ZFP62: variants seen among roughly 807,000 people sequenced by gnomAD.
ZFP62 encodes the protein ZFP62 zinc finger protein, also known as zinc finger protein 62 homolog.
ZFP62 carries 44 observed loss-of-function variants against 56.4 expected under a neutral mutation model. The observed-to-expected ratio is 0.78, with a 90% CI of 0.61 to 1.00. ZFP62 has a LOEUF of 1.00. ZFP62 is among the 50% of genes least tolerant of loss of function. The probability of loss-of-function intolerance (pLI) is 0.00; values close to 1 mark genes in which losing one functional copy is unlikely to be tolerated. For synonymous variants in ZFP62, 421 were observed against 388.9 expected, an observed-to-expected ratio of 1.08 and a Z score of -0.97; for missense variants, 1,030 against 1,085.7, an observed-to-expected ratio of 0.95 and a Z score of 0.72.
the ZFP62 span, chr5:180,835,630 C>T: frequency 3.9e-5 from 6 of 152,078 alleles, no homozygotes; most frequent in East Asian, 3.9e-4. Context: ...TAAGTAAAAC[C>T]GAGCACATGC....
intron 1 of ZFP62, among the ~76,000 whole-genome samples, chr5:180,852,923 C>CA (rs1252852677): frequency 6.6e-6 from 1 of 152,182 alleles, no homozygotes; most frequent in Admixed American, 6.5e-5. Context: ...AGCAAATGTT[C>CA]AAAGCTTGAC....
At chr5:180,833,141 C>A in the ZFP62 span, among the ~76,000 whole-genome samples, 1 of 152,090 alleles carries the variant, frequency 6.6e-6, no homozygotes, top group African/African-American at 2.4e-5. Context: ...GGAGGTGGGG[C>A]CTTTGGGAGG....
chr5:180,857,975 G>A (rs1349813100), intron 1 of ZFP62, among the ~76,000 whole-genome samples: 4 of 151,782 alleles, frequency 2.6e-5, no homozygotes, highest in African/African-American at 7.2e-5. Context: ...ACTTTAGGCC[G>A]GGTACAGTGG....
intron 1 of ZFP62, chr5:180,852,003 AGGGAGAAG>A: frequency 2.0e-6 from 2 of 987,370 alleles, no homozygotes. Flanking sequence ...GAGGGGTATC[AGGGAGAAG>A]GCTATGAAAC....
At chr5:180,829,641 T>C in the ZFP62 span, among the ~76,000 whole-genome samples, 1 of 152,268 alleles carries the variant, frequency 6.6e-6, no homozygotes, top group Non-Finnish European at 1.5e-5. Flanking sequence ...AATTTTTATC[T>C]GAAAAATAAG....
rs905430611 is a variant in ZFP62, at chr5:180,851,140, C to G, written c.355G>C (p.Val119Leu). The G allele has an allele frequency of 6.4e-7, 1 of 1,551,752 alleles. No homozygotes were observed. Among genetic ancestry groups the G allele is most frequent in the African/African-American group, 1.4e-5 (1 of 73,168 alleles). ...TAGGAGGTTCCATTAATGTTCTCCA[C>G]ACGTTTGCCTTGCTCACTGCCTCTC... ...GQRGSEQGKRVENINGTSYPS... is the reference protein window; with the variant it reads ...GQRGSEQGKRLENINGTSYPS... The change falls in exon 2 of 2, where the codon GTG (valine) becomes CTG (leucine). Residue 119 changes from valine (V) to leucine (L), a missense_variant. By Grantham distance (32) the Val-to-Leu change is conservative. Coordinates refer to ENST00000502412, the MANE Select transcript of ZFP62 (RefSeq NM_001172638.2).
rs373641672 is a variant in ZFP62, at chr5:180,851,226, G to A, written c.269C>T (p.Ser90Phe). Residue 90 changes from serine to phenylalanine, a missense_variant, in exon 2 of 2, where the codon TCT (serine) becomes TTT (phenylalanine). By Grantham distance (155) the Ser-to-Phe change is radical. Transcript: ENST00000502412. ...TGGGCTCAGATGCAAGCTCTTCTCAGATGCCTCACCTTCCTGTTCTGTCTT... is the reference window on the plus strand; with the variant it reads ...TGGGCTCAGATGCAAGCTCTTCTCAAATGCCTCACCTTCCTGTTCTGTCTT... Reference protein sequence around the residue: ...NIKTEQEGEASEKSLHLSPQH... With the variant: ...NIKTEQEGEAFEKSLHLSPQH... 2.6e-6 allele frequency: 4 copies of A among 1,551,662 alleles called. No individual in the cohort carries two copies.
At chr5:180,838,627 A>C in the ZFP62 span, among the ~76,000 whole-genome samples, 3 of 152,222 alleles carry the variant, frequency 2.0e-5, no homozygotes, top group Non-Finnish European at 4.4e-5. Context: ...ATGGGGCATC[A>C]TATCAGAAGC....
chr5:180,855,858 A>C (rs138144843), intron 1 of ZFP62, among the ~76,000 whole-genome samples: 2 of 152,154 alleles, frequency 1.3e-5, no homozygotes, highest in East Asian at 3.9e-4. Flanking sequence ...TTCTTTCTCC[A>C]ACCACTGTGA....
chr5:180,832,688 G>A, the ZFP62 span: 2 of 152,146 alleles, frequency 1.3e-5, no homozygotes, highest in Non-Finnish European at 2.9e-5. Context: ...AGTCAGGACT[G>A]GTAGACTTTA....
chr5:180,843,068 T>A (rs2170017), downstream of ZFP62, among the ~76,000 whole-genome samples: 5,713 of 148,030 alleles, frequency 0.039, 397 homozygotes, highest in African/African-American at 0.13. Flanking sequence ...TAAATAAATT[T>A]AAAAAAAAAG....
At position 180,849,047 on chromosome 5, in the gene ZFP62, C is replaced by G; in HGVS notation, c.2448G>C (p.Glu816Asp). Residue 816 changes from glutamate to aspartate, a missense_variant, in exon 2 of 2, where the codon GAG becomes GAC. Glu to Asp is a conservative substitution (Grantham distance 45, BLOSUM62 2). Transcript: ENST00000502412. ...VHQGKQPYNC[E>D]CGKSFNYRSV... Reference sequence around the variant, plus strand: ...ATCTATAATTGAAGGATTTCCCACACTCACAATTATAGGGCTGCTTCCCCT... The same window carrying G: ...ATCTATAATTGAAGGATTTCCCACAGTCACAATTATAGGGCTGCTTCCCCT... The G allele has an allele frequency of 1.3e-6, 2 of 1,552,292 alleles. No individual in the cohort carries two copies. The highest frequency in any genetic ancestry group is 3.9e-5 in the Admixed American group (2 of 51,020).
chr5:180,852,621 C>T (rs573152072), intron 1 of ZFP62, among the ~76,000 whole-genome samples: 3 of 151,306 alleles, frequency 2.0e-5, no homozygotes, highest in Non-Finnish European at 4.4e-5. Flanking sequence ...TGAATAAACT[C>T]CATATGGAAT....
Position 180,856,625 on chromosome 5 carries a change from T to C in ZFP62, c.1+4594A>G, listed in dbSNP as rs190899789. On this transcript the variant is annotated intron_variant, in intron 1 of 1. Coordinates refer to ENST00000502412, the MANE Select transcript of ZFP62 (RefSeq NM_001172638.2). ...TGCCATCAAGGTGCCTGCAGACTAG[T>C]AGGAGAGTCTGGTAGGAAAATAACC... Among the ~76,000 whole-genome samples, 186 of 151,970 alleles carry C rather than the reference T, an allele frequency of 1.2e-3. 1 individual carries two copies. Among genetic ancestry groups the C allele is most frequent in the African/African-American group, 4.2e-3 (174 of 41,426 alleles).
rs1015383429 is a variant in ZFP62, at chr5:180,847,687, A to C, written c.*1105T>G. ...GAGCTGGCTTTCATGACAAAGAGAG[A>C]GTGAGCCCTGAACAAAGTATTCGTT... On this transcript the variant is annotated 3_prime_UTR_variant, in exon 2 of 2. Coordinates refer to ENST00000502412, the MANE Select transcript of ZFP62 (RefSeq NM_001172638.2). 24 of 985,456 alleles carry C rather than the reference A, an allele frequency of 2.4e-5. No individual in the cohort carries two copies. The South Asian group carries it at 3.3e-4, about 14-fold the overall frequency. The allele number at this position is 985,456 out of a possible 1,614,324, so 61.0% of individuals were successfully genotyped here. A position where few individuals can be genotyped will look rare whatever the true frequency, so the allele number is the denominator to read the frequency against.
At position 180,849,859 on chromosome 5, in the gene ZFP62, A is replaced by C. The variant is rs761026519; in HGVS notation, c.1636T>G (p.Ser546Ala). Reference protein sequence around the residue: ...DECGKAFRNNSGLKVHKRIHT... With the variant: ...DECGKAFRNNAGLKVHKRIHT... Reference sequence around the variant, plus strand: ...ATTCGTTTATGTACTTTAAGGCCAGAATTATTTCTGAAAGCTTTACCACAC... The same window carrying C: ...ATTCGTTTATGTACTTTAAGGCCAGCATTATTTCTGAAAGCTTTACCACAC... Residue 546 changes from serine (S) to alanine (A), a missense_variant, in exon 2 of 2, where the codon TCT (serine) becomes GCT (alanine). Ser to Ala is a moderately conservative substitution (Grantham distance 99, BLOSUM62 1). Coordinates refer to ENST00000502412, the MANE Select transcript of ZFP62 (RefSeq NM_001172638.2). 162 of 1,551,600 alleles carry C rather than the reference A, an allele frequency of 1.0e-4. No homozygotes were observed. The highest frequency in any genetic ancestry group is 6.7e-4 in the Middle Eastern group (4 of 6,014).
At chr5:180,828,086 C>T in the ZFP62 span, among the ~76,000 whole-genome samples, 28 of 152,300 alleles carry the variant, frequency 1.8e-4, no homozygotes, top group East Asian at 5.8e-4. Context: ...CAGAGGCTGG[C>T]GGGATCCTCC....
At chr5:180,845,741 A>G (rs1264429279), downstream of ZFP62, 11 of 985,258 alleles carry the variant, frequency 1.1e-5, no homozygotes, top group South Asian at 4.2e-4. Context: ...CAGGTCCCCA[A>G]TGTCTGCCTT....
Position 180,851,405 on chromosome 5 carries a change from C to T in ZFP62, c.90G>A (p.Val30=). 6.4e-7 allele frequency: 1 copy of T among 1,551,626 alleles called. No homozygotes were observed. Among genetic ancestry groups the T allele is most frequent in the Non-Finnish European group, 8.7e-7 (1 of 1,146,980 alleles). Reference sequence around the variant, plus strand: ...CCTTAGATTCAGGCATAGGATCCTCCACTTTTGGCCACTTAGATGCTGCAT... The same window carrying T: ...CCTTAGATTCAGGCATAGGATCCTCTACTTTTGGCCACTTAGATGCTGCAT... ...VGNAASKWPK[V]EDPMPESKVG... is the part of the protein sequence containing the mutation. Residue 30 remains valine, a synonymous_variant, in exon 2 of 2, where the codon GTG becomes GTA. Transcript: ENST00000502412.
Sources: allele counts gnomAD v4.1 joint callset (sites outside exome capture counted in the v4.1 genomes callset), GRCh38; gene constraint gnomAD v4.1.1; transcripts MANE v1.5; gene names NCBI Gene and HGNC (gene_info 2026-07-23, HGNC 2026-07-21).